ERICH3: variants seen among roughly 807,000 people sequenced by gnomAD.
The protein encoded by ERICH3 is glutamate rich 3.
ERICH3 carries 126 observed loss-of-function variants against 131.1 expected under a neutral mutation model. The ratio of observed to expected loss-of-function variants is 0.96; its 90% CI spans 0.83 to 1.11. The LOEUF is 1.11. Ranked by LOEUF, ERICH3 falls within the 50% of genes most tolerant of loss-of-function variation. ERICH3 has a pLI of 0.00. For synonymous variants in ERICH3, 695 were observed against 644.6 expected (o/e 1.08, Z -1.18); for missense variants, 2,050 against 1,810.7 (o/e 1.13, Z -2.40).
chr1:74,607,467 T>C (rs565550728), intron 9 of ERICH3, among the ~76,000 whole-genome samples: 1 of 152,160 alleles, frequency 6.6e-6, no homozygotes, highest in East Asian at 1.9e-4. Context: ...TAAATATGAT[T>C]GATTTTTTAA....
chr1:74,643,033 C>G lies in ERICH3; in HGVS notation c.309G>C (p.Arg103Ser). 1 of 1,607,122 alleles carries G rather than the reference C, an allele frequency of 6.2e-7. No homozygotes were observed. Among genetic ancestry groups the G allele is most frequent in the Non-Finnish European group, 8.5e-7 (1 of 1,175,094 alleles). The change falls in exon 4 of 15, where the codon AGG becomes AGC. Residue 103 changes from arginine (R) to serine (S), a missense_variant. Physicochemically the swap from Arg to Ser is moderately radical, Grantham distance 110. Transcript: ENST00000326665. ...GAGTTATATAACTCCTTACCTTAAA[C>G]CTCTGGATTCGCTCCTTCCTAGCTA... ...ETLARKERIQ[R>S]FKGEHTRRSV... is the part of the protein sequence containing the mutation.
At chr1:74,613,495 T>A (rs1648802415) in intron 8 of ERICH3, among the ~76,000 whole-genome samples, 2 of 152,228 alleles carry the variant, frequency 1.3e-5, no homozygotes, top group Admixed American at 6.5e-5. Flanking sequence ...GATAAAGCAG[T>A]TAATAATAAA....
intron 1 of ERICH3, among the ~76,000 whole-genome samples, chr1:74,665,204 C>A (rs1646678712): frequency 7.1e-6 from 1 of 140,884 alleles, no homozygotes; most frequent in Non-Finnish European, 1.5e-5. Context: ...CAGAGCAAGA[C>A]TCCGTCTCAA....
intron 10 of ERICH3, among the ~76,000 whole-genome samples, chr1:74,604,097 C>A (rs927815373): frequency 6.6e-6 from 1 of 151,892 alleles, no homozygotes; most frequent in African/African-American, 2.4e-5. Context: ...ACATTTTATA[C>A]ATATTCTAAA....
rs1402477059 is a variant in ERICH3 at position 74,665,104 on chromosome 1, G to T, written c.23+8393C>A. On this transcript the variant is annotated intron_variant, in intron 1 of 14. Transcript: ENST00000326665. The stretch of plus-strand genomic sequence containing the variant: ...GTAAAAACCCTCATGAATGGAATTA[G>T]TGTCTTAAAAAAGAGACCTCAGAAA... Among the ~76,000 whole-genome samples, 3 of 151,946 alleles carry T rather than the reference G, an allele frequency of 2.0e-5. No homozygotes were observed. The East Asian group carries it at 5.8e-4, about 29-fold the overall frequency.
chr1:74,638,605 T>A (rs1357118563), intron 5 of ERICH3, among the ~76,000 whole-genome samples: 2 of 152,226 alleles, frequency 1.3e-5, no homozygotes, highest in African/African-American at 4.8e-5. Context: ...ATATCTGTTT[T>A]CTTTTCTTCA....
At chr1:74,631,645 C>T (rs1242226018) in intron 7 of ERICH3, 68 bp downstream of exon 7, 4 of 1,319,868 alleles carry the variant, frequency 3.0e-6, no homozygotes, top group South Asian at 1.3e-5. Context: ...TTACTGCAAA[C>T]CTAGAAATCT....
chr1:74,611,839 C>A (rs1360521984), intron 9 of ERICH3, among the ~76,000 whole-genome samples: 1 of 152,174 alleles, frequency 6.6e-6, no homozygotes, highest in Non-Finnish European at 1.5e-5. Context: ...TGTCTCCCTT[C>A]ACTCCATGTA....
intron 1 of ERICH3, 115 bp from the exon 2 acceptor site, chr1:74,649,430 TC>T: frequency 1.5e-6 from 1 of 671,808 alleles, no homozygotes; most frequent in East Asian, 2.7e-5. Context: ...AGCCTGCCAG[TC>T]ATTCATATAT....
At position 74,571,331 on chromosome 1, in the gene ERICH3, C is replaced by G; in HGVS notation, c.4379G>C (p.Gly1460Ala). ...EGSEGQEAATGSGDGRQETGA... is the reference protein window; with the variant it reads ...EGSEGQEAATASGDGRQETGA... ...TGTCTCCTGCCTCCCATCGCCACTC[C>G]CAGTGGCTGCCTCCTGGCCCTCTGA... Residue 1460 changes from glycine (G) to alanine (A), a missense_variant, in exon 14 of 15, where the codon GGG (glycine) becomes GCG (alanine). Transcript: ENST00000326665. 6.2e-7 allele frequency: 1 copy of G among 1,614,026 alleles called. No individual in the cohort carries two copies. Among genetic ancestry groups the G allele is most frequent in the East Asian group, 2.2e-5 (1 of 44,846 alleles).
chr1:74,673,850 C>T (rs1646764521), upstream of ERICH3: 1 of 295,806 alleles, frequency 3.4e-6, no homozygotes, highest in Non-Finnish European at 6.1e-6. Context: ...TTTCTGGGCC[C>T]TGATAGGGAG....
chr1:74,641,324 T>C lies in ERICH3; in HGVS notation c.444+7A>G, dbSNP rs768329248. ...TACTGCATGACGAAGTGTTTAATAT[T>C]ACTCACCAGTGCTAACGGACTGGAA... On this transcript the variant is annotated splice_region_variant and intron_variant, in intron 5 of 14. Coordinates refer to ENST00000326665, the MANE Select transcript of ERICH3 (RefSeq NM_001002912.5). 1.7e-5 allele frequency: 28 copies of C among 1,611,686 alleles called. No individual in the cohort carries two copies. Among genetic ancestry groups the C allele is most frequent in the Non-Finnish European group, 2.3e-5 (27 of 1,179,050 alleles).
At chr1:74,612,026 A>G (rs1648721767) in intron 9 of ERICH3, among the ~76,000 whole-genome samples, 1 of 152,212 alleles carries the variant, frequency 6.6e-6, no homozygotes, top group Non-Finnish European at 1.5e-5. Flanking sequence ...AAAATATGAA[A>G]GCCCACAAGC....
intron 1 of ERICH3, among the ~76,000 whole-genome samples, 160 bp downstream of exon 1, chr1:74,673,337 C>T (rs1032370331): frequency 2.0e-5 from 3 of 152,028 alleles, no homozygotes; most frequent in African/African-American, 7.2e-5. Flanking sequence ...GGATTTCTGC[C>T]ATCCTCGCTG....
chr1:74,668,874 T>C (rs1246540886), intron 1 of ERICH3, among the ~76,000 whole-genome samples: 1 of 152,208 alleles, frequency 6.6e-6, no homozygotes, highest in Non-Finnish European at 1.5e-5. Flanking sequence ...ACTTAAAGTC[T>C]GAAATTCTGT....
chr1:74,601,986 G>A (rs896417599), intron 10 of ERICH3, among the ~76,000 whole-genome samples: 1 of 151,870 alleles, frequency 6.6e-6, no homozygotes, highest in African/African-American at 2.4e-5. Context: ...AGTAGTAATC[G>A]TCCTTGTGAT....
At chr1:74,587,438 A>G (rs1647386537) in intron 12 of ERICH3, among the ~76,000 whole-genome samples, 1 of 151,968 alleles carries the variant, frequency 6.6e-6, no homozygotes, top group Non-Finnish European at 1.5e-5. Flanking sequence ...AAAATTATAG[A>G]TGTTATCAAG....
At chr1:74,596,330 T>C (rs758860972) in intron 11 of ERICH3, among the ~76,000 whole-genome samples, 2 of 152,064 alleles carry the variant, frequency 1.3e-5, no homozygotes, top group Non-Finnish European at 2.9e-5. Context: ...TTTTCATTAC[T>C]AATTTTTAAA....
At position 74,573,199 on chromosome 1, in the gene ERICH3, C is replaced by T; in HGVS notation, c.2511G>A (p.Arg837=). 6.8e-6 allele frequency: 11 copies of T among 1,612,592 alleles called. No homozygotes were observed. Among genetic ancestry groups the T allele is most frequent in the Non-Finnish European group, 9.3e-6 (11 of 1,179,210 alleles). ...CTGCTTCTGCTGCTCCCTCTGCCCC[C>T]CTTTCTATGCCTGGAGGGATCTCCC... ...EKREIPPGIE[R]GAEGAAEAEG... Residue 837 remains arginine (R), a synonymous_variant, in exon 14 of 15, where the codon AGG becomes AGA. Coordinates refer to ENST00000326665, the MANE Select transcript of ERICH3 (RefSeq NM_001002912.5).
Sources: allele counts gnomAD v4.1 joint callset (sites outside exome capture counted in the v4.1 genomes callset), GRCh38; gene constraint gnomAD v4.1.1; transcripts MANE v1.5; gene names NCBI Gene and HGNC (gene_info 2026-07-23, HGNC 2026-07-21).